Variants in CYP7A1 observed in about 807,000 individuals in gnomAD.
CYP7A1 encodes cytochrome P450 7A1.
A neutral mutation model predicts 43.8 loss-of-function variants in CYP7A1; 28 were observed. That is an observed-to-expected ratio of 0.64 (90% CI 0.47 to 0.88). The LOEUF is 0.88. CYP7A1 is among the 40% of genes least tolerant of loss of function. CYP7A1 has a pLI of 0.00. For synonymous variants in CYP7A1, 227 were observed against 222.5 expected (o/e 1.02, Z -0.18); for missense variants, 637 against 611.9 (o/e 1.04, Z -0.43).
At chr8:58,497,778 A>G (rs1809467677) in intron 2 of CYP7A1, among the ~76,000 whole-genome samples, 1 of 152,198 alleles carries the variant, frequency 6.6e-6, no homozygotes, top group Admixed American at 6.5e-5. Context: ...TTTTTTTCTC[A>G]GTAACAGATC....
chr8:58,493,520 G>A (rs1809390143), intron 4 of CYP7A1, among the ~76,000 whole-genome samples: 1 of 152,218 alleles, frequency 6.6e-6, no homozygotes, highest in East Asian at 1.9e-4. Context: ...GTTTTAGGGT[G>A]CTCATCACAT....
chr8:58,496,790 C>G lies in CYP7A1; in HGVS notation c.722G>C (p.Ser241Thr). ...AHNAREKLAE[S>T]LRHENLQKRE... is the part of the protein sequence containing the mutation. ...CTTTTGGAGGTTCTCGTGCCTCAAG[C>G]TCTCTGCCAGTTTCTCCCGGGCATT... Residue 241 changes from serine (S) to threonine (T), a missense_variant, in exon 3 of 6, where the codon AGC becomes ACC. Ser to Thr is a moderately conservative substitution (Grantham distance 58, BLOSUM62 1). Transcript: ENST00000301645. The G allele has an allele frequency of 6.2e-7, 1 of 1,614,198 alleles. No individual in the cohort carries two copies. The highest frequency in any genetic ancestry group is 8.5e-7 in the Non-Finnish European group (1 of 1,180,036).
Position 58,497,096 on chromosome 8 carries a change from T to C in CYP7A1, c.416A>G (p.Asn139Ser). The change falls in exon 3 of 6, where the codon AAT becomes AGT. Residue 139 changes from asparagine to serine, a missense_variant. Transcript: ENST00000301645. ...FIKTLQGHAL[N>S]SLTESMMENL... ...TTCCATCATGCTTTCCGTGAGGGAATTCAAGGCATGGCCCTGCAGGGTTTT... is the reference window on the plus strand; with the variant it reads ...TTCCATCATGCTTTCCGTGAGGGAACTCAAGGCATGGCCCTGCAGGGTTTT... The C allele has an allele frequency of 6.2e-7, 1 of 1,600,950 alleles. No homozygotes were observed. Among genetic ancestry groups the C allele is most frequent in the Non-Finnish European group, 8.5e-7 (1 of 1,179,936 alleles).
chr8:58,498,674 C>T (rs1395467820), intron 1 of CYP7A1, among the ~76,000 whole-genome samples: 3 of 152,138 alleles, frequency 2.0e-5, no homozygotes, highest in Non-Finnish European at 4.4e-5. Context: ...GAAAGGATTA[C>T]TAAATCCATC....
chr8:58,497,211 C>T lies in CYP7A1; in HGVS notation c.322-21G>A, dbSNP rs758247511. The T allele has an allele frequency of 3.2e-6, 5 of 1,584,976 alleles. No homozygotes were observed. The Admixed American group carries it at 8.3e-5, about 26-fold the overall frequency. On this transcript the variant is annotated intron_variant, in intron 2 of 5. Coordinates refer to ENST00000301645, the MANE Select transcript of CYP7A1 (RefSeq NM_000780.4). Reference sequence around the variant, plus strand: ...AATGCCTGATAGCAAATAAAACATGCAGAAAAAGAAGTTAAACCTGACCTA... The same window carrying T: ...AATGCCTGATAGCAAATAAAACATGTAGAAAAAGAAGTTAAACCTGACCTA...
At position 58,492,411 on chromosome 8, in the gene CYP7A1, A is replaced by ATGTC; in HGVS notation, c.1153_1156dup (p.Ile386ArgfsTer24). 6.2e-7 allele frequency: 1 copy of ATGTC among 1,614,076 alleles called. No homozygotes were observed. On this transcript the variant is annotated frameshift_variant, in exon 5 of 6. Transcript: ENST00000301645. LOFTEE classifies it high-confidence loss of function. ...CATTAACTGTGGGTAAAGAGCTATG[A>ATGTC]TGTCATCTTTTCGGATGTTGTAGGA...
chr8:58,498,174 G>A (rs1809477386), intron 2 of CYP7A1, 55 bp downstream of exon 2: 10 of 1,599,516 alleles, frequency 6.3e-6, no homozygotes, highest in Non-Finnish European at 8.5e-6. Context: ...AAATAGACAA[G>A]CACATAAAAA....
At chr8:58,499,879 A>G (rs1585645712) in intron 1 of CYP7A1, 140 bp downstream of exon 1, 1 of 640,974 alleles carries the variant, frequency 1.6e-6, no homozygotes, top group Non-Finnish European at 2.8e-6. Context: ...AAAAATTCAA[A>G]TCAAATTTTT....
intron 4 of CYP7A1, among the ~76,000 whole-genome samples, chr8:58,493,835 A>G (rs1809396009): frequency 6.6e-6 from 1 of 152,050 alleles, no homozygotes; most frequent in Admixed American, 6.6e-5. Flanking sequence ...CCCCGTCTCT[A>G]CTAAAAATAC....
At position 58,491,646 on chromosome 8, in the gene CYP7A1, C is replaced by A. The variant is rs764215156; in HGVS notation, c.1344G>T (p.Leu448Phe). The A allele has an allele frequency of 6.2e-7, 1 of 1,614,156 alleles. No individual in the cohort carries two copies. The highest frequency in any genetic ancestry group is 8.5e-7 in the Non-Finnish European group (1 of 1,180,020). Residue 448 changes from leucine (L) to phenylalanine (F), a missense_variant, in exon 6 of 6, where the codon TTG becomes TTT. By Grantham distance (22) the Leu-to-Phe change is conservative. Transcript: ENST00000301645. Reference protein sequence around the residue: ...GSGATICPGRLFAIHEIKQFL... With the variant: ...GSGATICPGRFFAIHEIKQFL... ...ATTGCTTGATTTCGTGGATAGCGAA[C>A]AATCTTCCAGGACATATTGTAGCTC...
At chr8:58,497,545 C>T (rs1031059697) in intron 2 of CYP7A1, among the ~76,000 whole-genome samples, 2 of 152,028 alleles carry the variant, frequency 1.3e-5, no homozygotes, top group African/African-American at 2.4e-5. Context: ...GAGATGGGGT[C>T]TCACATTGTC....
At chr8:58,493,282 C>A (rs928761794) in intron 4 of CYP7A1, among the ~76,000 whole-genome samples, 1 of 152,132 alleles carries the variant, frequency 6.6e-6, no homozygotes, top group African/African-American at 2.4e-5. Context: ...ATTGAATATA[C>A]TGATAGCACT....
Position 58,491,446 on chromosome 8 carries a change from T to C in CYP7A1, c.*29A>G, listed in dbSNP as rs753038760. 8.1e-6 allele frequency: 13 copies of C among 1,599,976 alleles called. No homozygotes were observed. In the East Asian group the frequency reaches 2.9e-4, roughly 36 times the overall value. On this transcript the variant is annotated 3_prime_UTR_variant, in exon 6 of 6. Transcript: ENST00000301645. ...GGTGTTCTGCAGTCCTGTAATATCATCTAGTGTCCTCTTATTCCAGCCATG... is the reference window on the plus strand; with the variant it reads ...GGTGTTCTGCAGTCCTGTAATATCACCTAGTGTCCTCTTATTCCAGCCATG...
Position 58,492,509 on chromosome 8 carries a change from C to A in CYP7A1, c.1059G>T (p.Ser353=). 6.2e-7 allele frequency: 1 copy of A among 1,612,830 alleles called. No homozygotes were observed. The highest frequency in any genetic ancestry group is 8.5e-7 in the Non-Finnish European group (1 of 1,179,358). ...TGAGGGAGGCACTGGAAAGCCTCAG[C>A]GATTCCTTGATTATACTATCTAAAC... ...LPVLDSIIKE[S]LRLSSASLNI... Residue 353 remains serine (S), a synonymous_variant, in exon 5 of 6, where the codon TCG becomes TCT. Transcript: ENST00000301645.
rs370087640 is a variant in CYP7A1 at position 58,496,876 on chromosome 8, G to C, written c.636C>G (p.Phe212Leu). Reference protein sequence around the residue: ...ILNNLDNFKQFDKVFPALVAG... With the variant: ...ILNNLDNFKQLDKVFPALVAG... ...CTACCAGGGCTGGAAAGACTTTGTCGAATTGCTTGAAGTTGTCAAGATTGT... is the reference window on the plus strand; with the variant it reads ...CTACCAGGGCTGGAAAGACTTTGTCCAATTGCTTGAAGTTGTCAAGATTGT... The change falls in exon 3 of 6, where the codon TTC becomes TTG. Residue 212 changes from phenylalanine to leucine, a missense_variant. Phe to Leu is a conservative substitution (Grantham distance 22). Transcript: ENST00000301645. 1 of 1,614,206 alleles carries C rather than the reference G, an allele frequency of 6.2e-7. No homozygotes were observed. The highest frequency in any genetic ancestry group is 1.1e-5 in the South Asian group (1 of 91,086).
chr8:58,493,209 A>G (rs192865036), intron 4 of CYP7A1, among the ~76,000 whole-genome samples: 1 of 152,302 alleles, frequency 6.6e-6, no homozygotes, highest in Non-Finnish European at 1.5e-5. Flanking sequence ...TCAGTAATAC[A>G]TTTTTATAGA....
chr8:58,494,389 T>G (rs1809405673), intron 4 of CYP7A1, 117 bp downstream of exon 4: 2 of 1,119,818 alleles, frequency 1.8e-6, no homozygotes, highest in Non-Finnish European at 2.7e-6. Context: ...CCGAGAAAAC[T>G]CATATGAAAT....
At chr8:58,497,304 T>C (rs1030923466) in intron 2 of CYP7A1, 114 bp from the exon 3 acceptor site, 2 of 923,830 alleles carry the variant, frequency 2.2e-6, no homozygotes, top group East Asian at 5.1e-5. Context: ...ACACGGGAAA[T>C]TGGCTTTCCC....
At chr8:58,497,603 A>G (rs1281072641) in intron 2 of CYP7A1, among the ~76,000 whole-genome samples, 1 of 152,080 alleles carries the variant, frequency 6.6e-6, no homozygotes, top group East Asian at 1.9e-4. Flanking sequence ...TGCAGCCTCA[A>G]ACTCCTGGAC....
Sources: allele counts gnomAD v4.1 joint callset (sites outside exome capture counted in the v4.1 genomes callset), GRCh38; gene constraint gnomAD v4.1.1; transcripts MANE v1.5; gene names NCBI Gene and HGNC (gene_info 2026-07-23, HGNC 2026-07-21).